The following PRDM5 variants were observed in gnomAD, a reference collection of about 807,000 sequenced individuals.
PRDM5 encodes the protein PR/SET domain 5.
Under a neutral mutation model 81.2 loss-of-function variants are expected in PRDM5, and 56 were observed. That is an observed-to-expected ratio of 0.69 (90% CI 0.56 to 0.86). The LOEUF is 0.86. Among genes scored for constraint, PRDM5 ranks in the 40% least tolerant of loss-of-function variants. The pLI is 0.00. For missense variants in PRDM5, 697 were observed against 770.1 expected (o/e 0.91, Z 1.12); for synonymous variants, 267 against 256.4 (o/e 1.04, Z -0.39).
intron 14 of PRDM5, among the ~76,000 whole-genome samples, chr4:120,749,089 C>T (rs1362906763): frequency 6.6e-6 from 1 of 152,050 alleles, no homozygotes. Flanking sequence ...CAAAGAACAT[C>T]ACCCCCAACT....
intron 13 of PRDM5, among the ~76,000 whole-genome samples, chr4:120,760,632 C>T (rs1335471274): frequency 1.3e-5 from 2 of 152,046 alleles, no homozygotes; most frequent in African/African-American, 2.4e-5. Context: ...TTGAACAACA[C>T]ATCAAGGAAC....
chr4:120,702,430 G>T (rs1455026429), intron 15 of PRDM5, among the ~76,000 whole-genome samples: 1 of 152,122 alleles, frequency 6.6e-6, no homozygotes, highest in Non-Finnish European at 1.5e-5. Context: ...CCAGGTGATG[G>T]TTGGTCTCTG....
chr4:120,879,745 A>C (rs1214366573), intron 2 of PRDM5, among the ~76,000 whole-genome samples: 1 of 152,114 alleles, frequency 6.6e-6, no homozygotes, highest in Non-Finnish European at 1.5e-5. Context: ...ATCAATTTTC[A>C]ACAGCACAGG....
At chr4:120,713,385 T>C (rs775008883) in intron 14 of PRDM5, among the ~76,000 whole-genome samples, 3 of 152,198 alleles carry the variant, frequency 2.0e-5, no homozygotes, top group Admixed American at 6.5e-5. Context: ...AGCTTTTTTG[T>C]GATCCAAAGA....
chr4:120,863,189 T>TACACAC (rs1232966826), intron 2 of PRDM5, among the ~76,000 whole-genome samples: 92 of 37,360 alleles, frequency 2.5e-3, no homozygotes, highest in Non-Finnish European at 3.8e-3. Flanking sequence ...TATATATATA[T>TACACAC]ATACACACAC....
chr4:120,763,265 CA>C (rs2149184203), intron 13 of PRDM5, among the ~76,000 whole-genome samples: 1 of 152,038 alleles, frequency 6.6e-6, no homozygotes, highest in South Asian at 2.1e-4. Context: ...GAGGGTGAAA[CA>C]AAAAGTGAAT....
intron 14 of PRDM5, among the ~76,000 whole-genome samples, chr4:120,738,910 T>C (rs1310157500): frequency 2.0e-5 from 3 of 152,246 alleles, no homozygotes; most frequent in African/African-American, 7.2e-5. Context: ...AATTATTTTG[T>C]TTAATGATAT....
At chr4:120,796,975 T>A (rs903980457) in intron 10 of PRDM5, among the ~76,000 whole-genome samples, 3 of 152,224 alleles carry the variant, frequency 2.0e-5, no homozygotes, top group Non-Finnish European at 4.4e-5. Context: ...TGTTTTTACA[T>A]GCATTTCTAA....
At chr4:120,909,395 C>A (rs1289968659) in intron 1 of PRDM5, among the ~76,000 whole-genome samples, 15 of 152,118 alleles carry the variant, frequency 9.9e-5, no homozygotes, top group Non-Finnish European at 1.5e-5. Flanking sequence ...AAACTGTGAG[C>A]TTATGTTAAA....
chr4:120,702,388 C>G (rs770730750), intron 15 of PRDM5, among the ~76,000 whole-genome samples: 1 of 152,178 alleles, frequency 6.6e-6, no homozygotes, highest in African/African-American at 2.4e-5. Context: ...CTTACTCCTA[C>G]TCATCCTTAG....
intron 14 of PRDM5, among the ~76,000 whole-genome samples, chr4:120,720,785 TTA>T (rs1274177343): frequency 6.6e-6 from 1 of 152,208 alleles, no homozygotes; most frequent in Non-Finnish European, 1.5e-5. Flanking sequence ...CATCTAAAAA[TTA>T]TAACTCTTAG....
chr4:120,811,445 A>C lies in PRDM5; in HGVS notation c.870T>G (p.Asp290Glu), dbSNP rs772622444. The change falls in exon 8 of 16, where the codon GAT (aspartate) becomes GAG (glutamate). Residue 290 changes from aspartate (D) to glutamate (E), a missense_variant. Physicochemically the swap from Asp to Glu is conservative, Grantham distance 45. Transcript: ENST00000264808. ...CTGAACATATAAGCTTTTTCTTAGG[A>C]TCTCCTAAAATAGAAATAAAATACC... Reference protein sequence around the residue: ...KRHQENVHTGDPKKKLICSVC... With the variant: ...KRHQENVHTGEPKKKLICSVC... 8.3e-6 allele frequency: 13 copies of C among 1,570,912 alleles called. No homozygotes were observed. Among genetic ancestry groups the C allele is most frequent in the Non-Finnish European group, 1.1e-5 (13 of 1,143,750 alleles).
intron 13 of PRDM5, among the ~76,000 whole-genome samples, chr4:120,770,089 G>A (rs1044872099): frequency 9.2e-5 from 14 of 152,114 alleles, no homozygotes; most frequent in Non-Finnish European, 1.6e-4. Context: ...TTGGAGTGCA[G>A]TGGCGTGATC....
intron 2 of PRDM5, among the ~76,000 whole-genome samples, chr4:120,867,067 C>T (rs1392808264): frequency 3.3e-5 from 5 of 152,088 alleles, no homozygotes; most frequent in Non-Finnish European, 7.4e-5. Flanking sequence ...AGCCAAAAGC[C>T]AGCAATAAAA....
chr4:120,897,975 T>C (rs2148651042), intron 2 of PRDM5, among the ~76,000 whole-genome samples: 1 of 152,346 alleles, frequency 6.6e-6, no homozygotes, highest in South Asian at 2.1e-4. Context: ...TTTAGTGATA[T>C]GGTCCTATCT....
At chr4:120,861,112 A>G (rs1035435775) in intron 2 of PRDM5, among the ~76,000 whole-genome samples, 1 of 152,116 alleles carries the variant, frequency 6.6e-6, no homozygotes, top group African/African-American at 2.4e-5. Context: ...GATTCAAGCA[A>G]TTCTCCAGCC....
intron 14 of PRDM5, among the ~76,000 whole-genome samples, chr4:120,729,899 A>G (rs115926110): frequency 0.036 from 5,446 of 152,292 alleles, 125 homozygotes; most frequent in African/African-American, 0.061. Flanking sequence ...GAAACATCAG[A>G]ACAGGAATCC....
intron 5 of PRDM5, 129 bp downstream of exon 5, chr4:120,818,224 C>A: frequency 1.1e-6 from 1 of 902,524 alleles, no homozygotes; most frequent in South Asian, 1.5e-5. Context: ...CTTAATCTCT[C>A]ATTCACACAC....
intron 14 of PRDM5, among the ~76,000 whole-genome samples, chr4:120,741,586 G>T (rs532712397): frequency 2.8e-4 from 42 of 151,972 alleles, no homozygotes; most frequent in African/African-American, 8.9e-4. Flanking sequence ...TGCACGAGCC[G>T]AAGCAGGGCC....
Sources: gnomAD v4.1 joint callset for allele counts (sites outside exome capture counted in the v4.1 genomes callset) on GRCh38, gnomAD v4.1.1 for gene constraint, MANE v1.5 for transcripts, NCBI Gene and HGNC (gene_info 2026-07-23, HGNC 2026-07-21) for gene names.